The following UNC79 variants were observed in gnomAD, a reference collection of about 807,000 sequenced individuals.
UNC79 encodes the protein unc-79 subunit of NALCN channel complex, also known as protein unc-79 homolog.
A neutral mutation model predicts 283.1 loss-of-function variants in UNC79; 37 were observed. The ratio of observed to expected loss-of-function variants is 0.13; its 90% confidence interval spans 0.10 to 0.17. The LOEUF (loss-of-function observed/expected upper bound fraction) is 0.17. UNC79 is among the 10% of genes least tolerant of loss of function. UNC79 has a pLI of 1.00. For missense variants in UNC79, 2,272 were observed against 3,211.1 expected (o/e 0.71, Z 7.07); for synonymous variants, 1,107 against 1,200.2 (o/e 0.92, Z 1.61).
At chr14:93,491,500 G>A (rs75577707) in intron 5 of UNC79, among the ~76,000 whole-genome samples, 2,035 of 152,140 alleles carry the variant, frequency 0.013, 46 homozygotes, top group African/African-American at 0.047. Flanking sequence ...GAGATTAGTC[G>A]TATGTGGATT....
chr14:93,382,280 C>T (rs908211080), intron 1 of UNC79, among the ~76,000 whole-genome samples: 45 of 152,230 alleles, frequency 3.0e-4, no homozygotes, highest in Non-Finnish European at 4.7e-4. Flanking sequence ...AACTTCAGAG[C>T]AGCTTTGAGA....
At chr14:93,440,953 C>T (rs1274363814) in intron 1 of UNC79, among the ~76,000 whole-genome samples, 1 of 151,892 alleles carries the variant, frequency 6.6e-6, no homozygotes. Context: ...TAAGATCTAC[C>T]TTGTAATGTT....
intron 1 of UNC79, among the ~76,000 whole-genome samples, chr14:93,463,516 T>C (rs2057038839): frequency 6.6e-6 from 1 of 152,124 alleles, no homozygotes; most frequent in African/African-American, 2.4e-5. Context: ...CTGGTAGGAA[T>C]GATTTAGCAA....
intron 1 of UNC79, among the ~76,000 whole-genome samples, chr14:93,464,943 T>C (rs1477448699): frequency 6.6e-6 from 1 of 152,228 alleles, no homozygotes; most frequent in African/African-American, 2.4e-5. Flanking sequence ...CATGGACCTT[T>C]TTGGCTGCTC....
At chr14:93,439,324 A>G (rs1190969807) in intron 1 of UNC79, among the ~76,000 whole-genome samples, 2 of 140,558 alleles carry the variant, frequency 1.4e-5, no homozygotes, top group Non-Finnish European at 3.1e-5. Flanking sequence ...TCTAAGTAAG[A>G]TATTATTTTG....
intron 14 of UNC79, among the ~76,000 whole-genome samples, chr14:93,555,847 AT>A (rs1396875498): frequency 1.3e-5 from 2 of 152,340 alleles, no homozygotes; most frequent in East Asian, 3.9e-4. Flanking sequence ...GATAATTTAT[AT>A]TTTACTTAAA....
Position 93,621,607 on chromosome 14 carries a change from T to A in UNC79, c.4388-14T>A, listed in dbSNP as rs2067142723. 1 of 1,525,734 alleles carries A rather than the reference T, an allele frequency of 6.6e-7. No homozygotes were observed. Among genetic ancestry groups the A allele is most frequent in the Admixed American group, 2.2e-5 (1 of 45,316 alleles). The allele number at this position is 1,525,734 out of a possible 1,614,324, so 94.5% of individuals were successfully genotyped here. A position where few individuals can be genotyped will look rare whatever the true frequency, so the allele number is the denominator to read the frequency against. On this transcript the variant is annotated splice_polypyrimidine_tract_variant and intron_variant, in intron 29 of 48. Coordinates refer to ENST00000555664, the Ensembl canonical transcript of UNC79. The surrounding 1 kb of genome is among the most constrained non-coding windows in gnomAD (Gnocchi z 4.8). ...TCCAAGTAAAATAGTACTAGCTTTT[T>A]CTGTTTTGATCAGGTGAAATAGAAC...
intron 46 of UNC79, 83 bp downstream of exon 49, chr14:93,692,029 A>G (rs1369887233): frequency 8.1e-6 from 12 of 1,490,668 alleles, no homozygotes; most frequent in Non-Finnish European, 1.0e-5. Flanking sequence ...CCCTGTTTTC[A>G]CAGATCTCAG....
At chr14:93,568,471 C>T (rs2063026843) in intron 14 of UNC79, among the ~76,000 whole-genome samples, 2 of 152,012 alleles carry the variant, frequency 1.3e-5, no homozygotes. Flanking sequence ...GTCAGGAGTT[C>T]AAGACCAGCC....
rs964455455 is a variant in UNC79 at position 93,625,384 on chromosome 14, C to T, written c.5608+2543C>T. ...TCCTCACTTGTTGACAAATTTGATT[C>T]GTGGCCCTTCTTATTCTTTCCTAAA... is the stretch of plus-strand genomic sequence containing the variant. On this transcript the variant is annotated intron_variant, in intron 30 of 48. Coordinates refer to ENST00000555664, the Ensembl canonical transcript of UNC79. Among the ~76,000 whole-genome samples the T allele has an allele frequency of 1.1e-4, 16 of 152,314 alleles. No homozygotes were observed. The East Asian group carries it at 2.5e-3, about 24-fold the overall frequency.
At chr14:93,373,704 C>T (rs1465348105) in intron 1 of UNC79, among the ~76,000 whole-genome samples, 1 of 152,148 alleles carries the variant, frequency 6.6e-6, no homozygotes, top group Non-Finnish European at 1.5e-5. Flanking sequence ...CAATTCTTGA[C>T]AATGTTTTCC....
chr14:93,473,649 A>G (rs967826587), intron 2 of UNC79, among the ~76,000 whole-genome samples: 1 of 152,194 alleles, frequency 6.6e-6, no homozygotes, highest in African/African-American at 2.4e-5. Context: ...ATATTTTGCA[A>G]GTTCCTATTT....
intron 1 of UNC79, among the ~76,000 whole-genome samples, chr14:93,357,487 G>A (rs931291867): frequency 6.6e-5 from 10 of 151,584 alleles, no homozygotes; most frequent in Middle Eastern, 3.2e-3. Context: ...GCAGAAAAAC[G>A]TGAAAACACT....
exon 13 of UNC79, chr14:93,540,702 T>A: frequency 1.2e-6 from 2 of 1,612,270 alleles, no homozygotes; most frequent in Admixed American, 3.3e-5. Flanking sequence ...AGCGAGAACA[T>A]GAGCTGAACC....
intron 41 of UNC79, among the ~76,000 whole-genome samples, chr14:93,674,693 A>G (rs752729826): frequency 2.2e-4 from 34 of 152,328 alleles, no homozygotes; most frequent in Admixed American, 1.4e-3. Flanking sequence ...CCTGAATTCT[A>G]AGTACTCATT....
chr14:93,678,995 TG>T (rs1388182292), intron 41 of UNC79, among the ~76,000 whole-genome samples: 3 of 152,248 alleles, frequency 2.0e-5, no homozygotes, highest in Admixed American at 6.5e-5. Context: ...TTTTGCTTTT[TG>T]TTTCCAATAT....
At chr14:93,551,747 GAAT>G (rs2061912483) in intron 14 of UNC79, among the ~76,000 whole-genome samples, 2 of 152,218 alleles carry the variant, frequency 1.3e-5, no homozygotes, top group Non-Finnish European at 2.9e-5. Context: ...ATGTATGAAA[GAAT>G]GCTCTAGTGG....
intron 5 of UNC79, among the ~76,000 whole-genome samples, chr14:93,492,463 C>T (rs769118159): frequency 6.6e-5 from 10 of 152,214 alleles, no homozygotes; most frequent in Non-Finnish European, 1.2e-4. Context: ...AAGCAATTCT[C>T]CTGCCTCAGC....
chr14:93,344,092 T>C (rs1364101767), intron 1 of UNC79, among the ~76,000 whole-genome samples: 1 of 152,166 alleles, frequency 6.6e-6, no homozygotes, highest in African/African-American at 2.4e-5. Flanking sequence ...CTGTCGAAAG[T>C]GTTTTAAGGC....
Sources: allele counts gnomAD v4.1 joint callset (sites outside exome capture counted in the v4.1 genomes callset), GRCh38; gene constraint gnomAD v4.1.1; non-coding constraint Gnocchi (gnomAD v3.1); transcripts MANE v1.5; gene names NCBI Gene and HGNC (gene_info 2026-07-23, HGNC 2026-07-21).